The following OR10A6 variants were observed in gnomAD, a reference collection of about 807,000 sequenced individuals.
The protein encoded by OR10A6 is olfactory receptor 10A6.
In OR10A6, 2 loss-of-function variants were observed where a neutral mutation model predicts 1.5. The ratio of observed to expected loss-of-function variants is 1.31; its 90% CI spans 0.54 to 4.13. The LOEUF is 4.13. Among genes scored for constraint, OR10A6 ranks in the 30% most tolerant of loss-of-function variants. The pLI, the probability that OR10A6 is intolerant of heterozygous loss-of-function variation, is 0.07. For synonymous variants in OR10A6, 169 were observed against 137.3 expected, an observed-to-expected ratio of 1.23 and a Z score of -1.61; for missense variants, 492 against 368.6, an observed-to-expected ratio of 1.33 and a Z score of -2.74.
rs908567422 is a variant in OR10A6, at chr11:7,929,627, T to G, written c.-965A>C. The G allele has an allele frequency of 6.7e-6, 1 of 150,174 alleles. No homozygotes were observed. The highest frequency in any genetic ancestry group is 1.5e-5 in the Non-Finnish European group (1 of 67,554). 9.3% of individuals were successfully genotyped at this position (150,174 alleles called of 1,614,324 possible). A position where few individuals can be genotyped will look rare whatever the true frequency, so the allele number is the denominator to read the frequency against. On this transcript the variant is annotated 5_prime_UTR_variant, in exon 4 of 4. Transcript: ENST00000641238. ...GCTAAGCACACTACATAAAATAGCTTCTAACCCCTTAACCAGTATGCTGCA... is the reference window on the plus strand; with the variant it reads ...GCTAAGCACACTACATAAAATAGCTGCTAACCCCTTAACCAGTATGCTGCA...
At position 7,927,620 on chromosome 11, in the gene OR10A6, T is replaced by G; in HGVS notation, c.*98A>C. 1 of 763,550 alleles carries G rather than the reference T, an allele frequency of 1.3e-6. No homozygotes were observed. 47.3% of individuals were successfully genotyped at this position (763,550 alleles called of 1,614,324 possible). A position where few individuals can be genotyped will look rare whatever the true frequency, so the allele number is the denominator to read the frequency against. On this transcript the variant is annotated 3_prime_UTR_variant, in exon 4 of 4. Coordinates refer to ENST00000641238, the MANE Select transcript of OR10A6 (RefSeq NM_001004461.2). ...GGAGAACACAATAAATTAGTCATAC[T>G]CATGCCAAAAAATGCAAACTTAATG...
rs1210191306 is a variant in OR10A6 at position 7,929,964 on chromosome 11, A to ATGTG, written c.-1303_-1302insCACA. 6.1e-5 allele frequency: 3 copies of ATGTG among 49,144 alleles called. No individual in the cohort carries two copies. Among genetic ancestry groups the ATGTG allele is most frequent in the African/African-American group, 2.8e-4 (3 of 10,596 alleles). 3.0% of individuals were successfully genotyped at this position (49,144 alleles called of 1,614,324 possible). A position where few individuals can be genotyped will look rare whatever the true frequency, so the allele number is the denominator to read the frequency against. On this transcript the variant is annotated 5_prime_UTR_variant, in exon 4 of 4. Coordinates refer to ENST00000641238, the MANE Select transcript of OR10A6 (RefSeq NM_001004461.2). ...GCTCTAGTAAGGTATGTGTATGTGT[A>ATGTG]TGTATATATATATATATATATATAT...
chr11:7,927,930 G>A lies in OR10A6; in HGVS notation c.733C>T (p.Leu245Phe). The change falls in exon 4 of 4, where the codon CTC (leucine) becomes TTC (phenylalanine). Residue 245 changes from leucine to phenylalanine, a missense_variant. Leu to Phe is a conservative substitution (Grantham distance 22). Transcript: ENST00000641238. ...CCATAGAATAGGGTCACAGATGTGA[G>A]GTGAGCGGCACAGGTGGAAAAGGCC... ...QKAFSTCAAHLTSVTLFYGTA... is the reference protein window; with the variant it reads ...QKAFSTCAAHFTSVTLFYGTA... 6.2e-7 allele frequency: 1 copy of A among 1,613,958 alleles called. No homozygotes were observed. The highest frequency in any genetic ancestry group is 8.5e-7 in the Non-Finnish European group (1 of 1,179,974).
chr11:7,926,735 T>G lies in OR10A6; in HGVS notation c.*983A>C, dbSNP rs556880765. On this transcript the variant is annotated 3_prime_UTR_variant, in exon 4 of 4. Coordinates refer to ENST00000641238, the MANE Select transcript of OR10A6 (RefSeq NM_001004461.2). ...AAAATAGGAAGCAAGAATGAAATGT[T>G]ATATTTCAATGTTGCAATGTGTCTA... The G allele has an allele frequency of 1.3e-5, 2 of 152,352 alleles. No homozygotes were observed. The highest frequency in any genetic ancestry group is 4.1e-4 in the South Asian group (2 of 4,828). 9.4% of individuals were successfully genotyped at this position (152,352 alleles called of 1,614,324 possible). A position where few individuals can be genotyped will look rare whatever the true frequency, so the allele number is the denominator to read the frequency against.
Position 7,928,574 on chromosome 11 carries a change from G to A in OR10A6, c.89C>T (p.Ala30Val), listed in dbSNP as rs148578015. ...GGTCACCAGATAAATAACCAGGAAAGCCACAAAGAGCTGCCCCTGGAGCTC... is the reference window on the plus strand; with the variant it reads ...GGTCACCAGATAAATAACCAGGAAAACCACAAAGAGCTGCCCCTGGAGCTC... ...YPELQGQLFV[A>V]FLVIYLVTLI... Residue 30 changes from alanine to valine, a missense_variant, in exon 4 of 4, where the codon GCT becomes GTT. Coordinates refer to ENST00000641238, the MANE Select transcript of OR10A6 (RefSeq NM_001004461.2). 418 of 1,613,826 alleles carry A rather than the reference G, an allele frequency of 2.6e-4. 1 individual carries two copies. The African/African-American group carries it at 5.1e-3, about 20-fold the overall frequency.
Position 7,928,556 on chromosome 11 carries a change from A to G in OR10A6, c.107T>C (p.Leu36Pro), listed in dbSNP as rs758878429. Residue 36 changes from leucine to proline, a missense_variant, in exon 4 of 4, where the codon CTG (leucine) becomes CCG (proline). Leu to Pro is a moderately conservative substitution (Grantham distance 98). Coordinates refer to ENST00000641238, the MANE Select transcript of OR10A6 (RefSeq NM_001004461.2). ...AATGGCATTTCCTATCAGGGTCACC[A>G]GATAAATAACCAGGAAAGCCACAAA... ...QLFVAFLVIYLVTLIGNAIII... is the reference protein window; with the variant it reads ...QLFVAFLVIYPVTLIGNAIII... 1.2e-6 allele frequency: 2 copies of G among 1,613,104 alleles called. No homozygotes were observed. Among genetic ancestry groups the G allele is most frequent in the South Asian group, 2.2e-5 (2 of 91,050 alleles).
rs776774152 is a variant in OR10A6, at chr11:7,927,878, G to A, written c.785C>T (p.Pro262Leu). ...YGTASMTYLQ[P>L]KSGYSPETKK... ...GGTTTCCGGTGAGTAGCCAGATTTG[G>A]GTTGTAAATAAGTCATACTGGCTGT... Residue 262 changes from proline to leucine, a missense_variant, in exon 4 of 4, where the codon CCC becomes CTC. Physicochemically the swap from Pro to Leu is moderately conservative, Grantham distance 98. Transcript: ENST00000641238. 2 of 1,613,966 alleles carry A rather than the reference G, an allele frequency of 1.2e-6. No individual in the cohort carries two copies. Among genetic ancestry groups the A allele is most frequent in the Admixed American group, 1.7e-5 (1 of 59,932 alleles).
In OR10A6 at chr11:7,930,149, C is replaced by T. The variant is rs572260672; in HGVS notation, c.-1487G>A. On this transcript the variant is annotated 5_prime_UTR_variant, in exon 4 of 4. Transcript: ENST00000641238. ...AATTTTAAAATAAGAAAAACCTAGA[C>T]TCTATTTTTAAGGAATAGAGTGCCT... 2 of 151,404 alleles carry T rather than the reference C, an allele frequency of 1.3e-5. No homozygotes were observed. The highest frequency in any genetic ancestry group is 4.2e-4 in the South Asian group (2 of 4,784). The allele number at this position is 151,404 out of a possible 1,614,324, so 9.4% of individuals were successfully genotyped here. A position where few individuals can be genotyped will look rare whatever the true frequency, so the allele number is the denominator to read the frequency against.
At position 7,931,262 on chromosome 11, in the gene OR10A6, A is replaced by T. The variant is rs1859528745; in HGVS notation, c.-1975T>A. On this transcript the variant is annotated 5_prime_UTR_variant, in exon 1 of 4. Transcript: ENST00000641238. ...GAAGATTCACCTGTAGTCAAAAGCC[A>T]CCTATTCACAAACACAACTGACTGA... 2 of 152,180 alleles carry T rather than the reference A, an allele frequency of 1.3e-5. No homozygotes were observed. Among genetic ancestry groups the T allele is most frequent in the Non-Finnish European group, 2.9e-5 (2 of 68,030 alleles). 9.4% of individuals were successfully genotyped at this position (152,180 alleles called of 1,614,324 possible).
rs1339002367 is a variant in OR10A6 at position 7,929,996 on chromosome 11, A to ATATATATATATATGTATATATATG, written c.-1335_-1334insCATATATATACATATATATATATA. The stretch of plus-strand genomic sequence containing the variant: ...TATATATATATATATATATATATAA[A>ATATATATATATATGTATATATATG]ATCCCTCACTAGAGCTTAGCTCCCA... On this transcript the variant is annotated 5_prime_UTR_variant, in exon 4 of 4. Transcript: ENST00000641238. 1.2e-5 allele frequency: 1 copy of ATATATATATATATGTATATATATG among 80,104 alleles called. No individual in the cohort carries two copies. The highest frequency in any genetic ancestry group is 2.9e-5 in the Non-Finnish European group (1 of 34,064). The allele number at this position is 80,104 out of a possible 1,614,324, so 5.0% of individuals were successfully genotyped here.
Position 7,928,416 on chromosome 11 carries a change from C to G in OR10A6, c.247G>C (p.Val83Leu). 6.2e-7 allele frequency: 1 copy of G among 1,613,842 alleles called. No homozygotes were observed. The highest frequency in any genetic ancestry group is 8.5e-7 in the Non-Finnish European group (1 of 1,179,878). ...GTAGTTTTTTCAGTAGAGAGGACCA[C>G]CAGCATTTCAGGCATAATAACTGCA... Reference protein sequence around the residue: ...FSAVIMPEMLVVLSTEKTTIS... With the variant: ...FSAVIMPEMLLVLSTEKTTIS... The change falls in exon 4 of 4, where the codon GTG (valine) becomes CTG (leucine). Residue 83 changes from valine (V) to leucine (L), a missense_variant. Val to Leu is a conservative substitution (Grantham distance 32, BLOSUM62 1). Coordinates refer to ENST00000641238, the MANE Select transcript of OR10A6 (RefSeq NM_001004461.2).
rs1859407698 is a variant in OR10A6 at position 7,926,665 on chromosome 11, A to G, written c.*1053T>C. The G allele has an allele frequency of 2.0e-5, 3 of 152,202 alleles. No homozygotes were observed. The highest frequency in any genetic ancestry group is 2.0e-4 in the Admixed American group (3 of 15,276). The allele number at this position is 152,202 out of a possible 1,614,324, so 9.4% of individuals were successfully genotyped here. On this transcript the variant is annotated 3_prime_UTR_variant, in exon 4 of 4. Coordinates refer to ENST00000641238, the MANE Select transcript of OR10A6 (RefSeq NM_001004461.2). Reference sequence around the variant, plus strand: ...GAAGGGTGTTGTCAACTCCTTTGATATAGATTTAATGAGAAGAACCCTTTC... The same window carrying G: ...GAAGGGTGTTGTCAACTCCTTTGATGTAGATTTAATGAGAAGAACCCTTTC...
Position 7,928,507 on chromosome 11 carries a change from G to C in OR10A6, c.156C>G (p.Asp52Glu), listed in dbSNP as rs755693656. ...NAIIIVIVSLDQSLHVPMYLF... is the reference protein window; with the variant it reads ...NAIIIVIVSLEQSLHVPMYLF... ...GGTACATGGGAACGTGGAGGCTCTG[G>C]TCTAGGGAGACGATGACTATAATAA... Residue 52 changes from aspartate to glutamate, a missense_variant, in exon 4 of 4, where the codon GAC becomes GAG. Physicochemically the swap from Asp to Glu is conservative, Grantham distance 45 (BLOSUM62 2). Coordinates refer to ENST00000641238, the MANE Select transcript of OR10A6 (RefSeq NM_001004461.2). The C allele has an allele frequency of 1.2e-6, 2 of 1,613,756 alleles. No homozygotes were observed. Among genetic ancestry groups the C allele is most frequent in the African/African-American group, 1.3e-5 (1 of 74,884 alleles).
chr11:7,929,864 T>A lies in OR10A6; in HGVS notation c.-1202A>T, dbSNP rs1859495845. ...TATCCTCTATCCTTTTTTTAAGAAA[T>A]ATGTGTAAAATATATTTTAAATATT... On this transcript the variant is annotated 5_prime_UTR_variant, in exon 4 of 4. Coordinates refer to ENST00000641238, the MANE Select transcript of OR10A6 (RefSeq NM_001004461.2). 1 of 141,768 alleles carries A rather than the reference T, an allele frequency of 7.1e-6. No individual in the cohort carries two copies. Among genetic ancestry groups the A allele is most frequent in the African/African-American group, 2.6e-5 (1 of 38,748 alleles). The allele number at this position is 141,768 out of a possible 1,614,324, so 8.8% of individuals were successfully genotyped here.
rs1433020713 is a variant in OR10A6 at position 7,929,962 on chromosome 11, G to GTGTATATATATA, written c.-1301_-1300insTATATATATACA. ...AAGCTCTAGTAAGGTATGTGTATGT[G>GTGTATATATATA]TATGTATATATATATATATATATAT... On this transcript the variant is annotated 5_prime_UTR_variant, in exon 4 of 4. Transcript: ENST00000641238. The GTGTATATATATA allele has an allele frequency of 0.019, 464 of 24,730 alleles. 19 individuals are homozygous for GTGTATATATATA. The highest frequency in any genetic ancestry group is 0.078 in the African/African-American group (445 of 5,674). 1.5% of individuals were successfully genotyped at this position (24,730 alleles called of 1,614,324 possible). A position where few individuals can be genotyped will look rare whatever the true frequency, so the allele number is the denominator to read the frequency against.
chr11:7,930,745 A>G (rs1051466119), intron 3 of OR10A6, 116 bp downstream of exon 3: 1 of 152,186 alleles, frequency 6.6e-6, no homozygotes, highest in Non-Finnish European at 1.5e-5. Flanking sequence ...ACTATGTAAA[A>G]GTAGATTGGT....
rs1859477808 is a variant in OR10A6 at position 7,929,225 on chromosome 11, G to A, written c.-563C>T. On this transcript the variant is annotated 5_prime_UTR_variant, in exon 4 of 4. Transcript: ENST00000641238. ...AAACAACATTCTGTAGAAACATAGA[G>A]GGGATTTGAATTTTCAACACAACCA... 6.6e-6 allele frequency: 1 copy of A among 152,126 alleles called. No individual in the cohort carries two copies. Among genetic ancestry groups the A allele is most frequent in the African/African-American group, 2.4e-5 (1 of 41,404 alleles). 9.4% of individuals were successfully genotyped at this position (152,126 alleles called of 1,614,324 possible). A position where few individuals can be genotyped will look rare whatever the true frequency, so the allele number is the denominator to read the frequency against.
Position 7,928,557 on chromosome 11 carries a change from G to T in OR10A6, c.106C>A (p.Leu36Met), listed in dbSNP as rs145853504. ...QLFVAFLVIY[L>M]VTLIGNAIII... ...ATGGCATTTCCTATCAGGGTCACCAGATAAATAACCAGGAAAGCCACAAAG... is the reference window on the plus strand; with the variant it reads ...ATGGCATTTCCTATCAGGGTCACCATATAAATAACCAGGAAAGCCACAAAG... Residue 36 changes from leucine (L) to methionine (M), a missense_variant, in exon 4 of 4, where the codon CTG (leucine) becomes ATG (methionine). Transcript: ENST00000641238. The T allele has an allele frequency of 2.5e-6, 4 of 1,613,634 alleles. No individual in the cohort carries two copies. In the African/African-American group the frequency reaches 5.3e-5, roughly 22 times the overall value.
rs756234209 is a variant in OR10A6 at position 7,928,353 on chromosome 11, T to C, written c.310A>G (p.Ile104Val). The C allele has an allele frequency of 1.7e-5, 27 of 1,613,952 alleles. No homozygotes were observed. The highest frequency in any genetic ancestry group is 6.8e-6 in the Non-Finnish European group (8 of 1,179,996). The change falls in exon 4 of 4, where the codon ATC becomes GTC. Residue 104 changes from isoleucine (I) to valine (V), a missense_variant. Ile to Val is a conservative substitution (Grantham distance 29, BLOSUM62 3). Transcript: ENST00000641238. ...FGGCFAQMYFILLFGGAECFL... is the reference protein window; with the variant it reads ...FGGCFAQMYFVLLFGGAECFL... ...CATTCAGCCCCACCAAAAAGAAGGATGAAATACATCTGTGCAAAACAGCCC... is the reference window on the plus strand; with the variant it reads ...CATTCAGCCCCACCAAAAAGAAGGACGAAATACATCTGTGCAAAACAGCCC...
Sources: gnomAD v4.1 joint callset for allele counts on GRCh38, gnomAD v4.1.1 for gene constraint, MANE v1.5 for transcripts, NCBI Gene and HGNC (gene_info 2026-07-23, HGNC 2026-07-21) for gene names.